The following LRP5 variants were observed in gnomAD, a reference collection of about 807,000 sequenced individuals.
LRP5 encodes the protein low-density lipoprotein receptor-related protein 5.
A neutral mutation model predicts 154.1 loss-of-function variants in LRP5; 62 were observed. The ratio of observed to expected loss-of-function variants is 0.40; its 90% CI spans 0.33 to 0.50. LRP5 has a LOEUF of 0.50. Ranked by LOEUF, LRP5 falls within the 20% of genes least tolerant of loss-of-function variation. The pLI, the probability that LRP5 is intolerant of heterozygous loss-of-function variation, is 0.55. For missense variants in LRP5, 1,915 were observed against 2,336.7 expected (o/e 0.82, Z 3.72); for synonymous variants, 966 against 1,011.5 (o/e 0.96, Z 0.85).
intron 1 of LRP5, among the ~76,000 whole-genome samples, chr11:68,343,666 C>T (rs1021149449): frequency 3.9e-5 from 6 of 152,114 alleles, no homozygotes; most frequent in Non-Finnish European, 5.9e-5. Context: ...GTGATGGTTC[C>T]ACCTGCTTGT....
At chr11:68,399,994 G>T (rs570003986) in intron 7 of LRP5, among the ~76,000 whole-genome samples, 1 of 152,324 alleles carries the variant, frequency 6.6e-6, no homozygotes, top group South Asian at 2.1e-4. Context: ...GGAGTGTCCT[G>T]GGTTCTGGAA....
intron 1 of LRP5, among the ~76,000 whole-genome samples, chr11:68,337,427 GA>G (rs2098606318): frequency 6.6e-6 from 1 of 152,146 alleles, no homozygotes; most frequent in African/African-American, 2.4e-5. Flanking sequence ...GAGGCATTGT[GA>G]GTAGAATTAA....
At chr11:68,433,890 G>T in intron 18 of LRP5, 52 bp downstream of exon 18, 1 of 1,558,080 alleles carries the variant, frequency 6.4e-7, no homozygotes, top group South Asian at 1.1e-5. Context: ...TGCCCTCCGG[G>T]ATACGAGCTT....
chr11:68,384,148 C>A (rs926913323), intron 5 of LRP5, among the ~76,000 whole-genome samples: 1 of 152,282 alleles, frequency 6.6e-6, no homozygotes, highest in South Asian at 2.1e-4. Flanking sequence ...ATTATGCACT[C>A]CGGGGCTTGG....
intron 1 of LRP5, among the ~76,000 whole-genome samples, chr11:68,321,877 C>T (rs930062497): frequency 1.3e-5 from 2 of 152,188 alleles, no homozygotes; most frequent in African/African-American, 4.8e-5. Flanking sequence ...GCATTAATAG[C>T]TATCTGAGCG....
At chr11:68,325,251 C>T (rs1281478780) in intron 1 of LRP5, among the ~76,000 whole-genome samples, 1 of 152,204 alleles carries the variant, frequency 6.6e-6, no homozygotes, top group Non-Finnish European at 1.5e-5. Flanking sequence ...GGGATGTCCC[C>T]AGCCTCACTG....
upstream of LRP5, among the ~76,000 whole-genome samples, chr11:68,307,705 C>G (rs1389360911): frequency 6.6e-6 from 1 of 151,760 alleles, no homozygotes; most frequent in Non-Finnish European, 1.5e-5. Context: ...GTAGTTCCAG[C>G]TACTTGGGAG....
At chr11:68,372,828 G>T (rs1427266742) in intron 5 of LRP5, among the ~76,000 whole-genome samples, 2 of 152,136 alleles carry the variant, frequency 1.3e-5, no homozygotes, top group Non-Finnish European at 2.9e-5. Context: ...CGGCCAGCGG[G>T]TGACCTGGGG....
intron 1 of LRP5, among the ~76,000 whole-genome samples, chr11:68,337,586 C>A (rs929683560): frequency 7.2e-5 from 11 of 151,856 alleles, no homozygotes; most frequent in Non-Finnish European, 1.5e-4. Flanking sequence ...ACAGTCAGCC[C>A]TTCCTCTTCT....
intron 13 of LRP5, among the ~76,000 whole-genome samples, chr11:68,421,644 T>G (rs1364048598): frequency 6.6e-6 from 1 of 152,042 alleles, no homozygotes; most frequent in Non-Finnish European, 1.5e-5. Context: ...ATCCTTCGTG[T>G]CCAGATGAAA....
chr11:68,424,449 C>G (rs1489752989), intron 14 of LRP5, among the ~76,000 whole-genome samples: 1 of 152,058 alleles, frequency 6.6e-6, no homozygotes, highest in Admixed American at 6.6e-5. Context: ...GCCTCTGCAG[C>G]ACACGGGGGG....
intron 5 of LRP5, among the ~76,000 whole-genome samples, chr11:68,378,586 C>G (rs905563691): frequency 3.3e-5 from 5 of 151,838 alleles, no homozygotes; most frequent in African/African-American, 1.2e-4. Context: ...GTTTCAGAGG[C>G]TTTTTTTTCC....
chr11:68,348,279 GC>G (rs2098615162), intron 2 of LRP5, 36 bp downstream of exon 2: 1 of 1,599,776 alleles, frequency 6.3e-7, no homozygotes, highest in Non-Finnish European at 8.5e-7. Context: ...GGTCCAGGGG[GC>G]GGGGAGTGTC....
intron 1 of LRP5, among the ~76,000 whole-genome samples, chr11:68,315,768 C>T (rs2098592917): frequency 6.6e-6 from 1 of 152,194 alleles, no homozygotes; most frequent in Non-Finnish European, 1.5e-5. Context: ...CACGGGTGCT[C>T]CTTCACCCTC....
intron 1 of LRP5, among the ~76,000 whole-genome samples, chr11:68,321,362 TG>T (rs2098596681): frequency 1.3e-5 from 2 of 152,192 alleles, no homozygotes; most frequent in African/African-American, 4.8e-5. Flanking sequence ...GTATTGGCTC[TG>T]CTTGCACGTT....
chr11:68,403,207 T>C (rs1455765182), intron 7 of LRP5, among the ~76,000 whole-genome samples: 1 of 152,216 alleles, frequency 6.6e-6, no homozygotes, highest in Non-Finnish European at 1.5e-5. Context: ...ATCTTGCCAC[T>C]GCACTCCAGC....
At chr11:68,393,519 G>A (rs143660331) in intron 7 of LRP5, among the ~76,000 whole-genome samples, 2,992 of 152,314 alleles carry the variant, frequency 0.02, 114 homozygotes, top group African/African-American at 0.069. Flanking sequence ...TCTGGCTCAC[G>A]CCTGTAATCC....
chr11:68,359,708 C>T (rs1448029773), intron 3 of LRP5, among the ~76,000 whole-genome samples: 1 of 151,264 alleles, frequency 6.6e-6, no homozygotes, highest in African/African-American at 2.4e-5. Context: ...GAGGCAGGGT[C>T]TCACTTTGTC....
chr11:68,317,801 T>C (rs766244241), intron 1 of LRP5, among the ~76,000 whole-genome samples: 10 of 152,240 alleles, frequency 6.6e-5, no homozygotes, highest in African/African-American at 2.2e-4. Flanking sequence ...GCTGGGCGAC[T>C]GTGCCTCTTT....
Sources: allele counts gnomAD v4.1 joint callset (sites outside exome capture counted in the v4.1 genomes callset), GRCh38; gene constraint gnomAD v4.1.1; transcripts MANE v1.5; gene names NCBI Gene and HGNC (gene_info 2026-07-23, HGNC 2026-07-21).